HERC3: variants seen among roughly 807,000 people sequenced by gnomAD.
HERC3 encodes probable E3 ubiquitin-protein ligase HERC3.
Under a neutral mutation model 129.9 loss-of-function variants are expected in HERC3, and 58 were observed. The ratio of observed to expected loss-of-function variants is 0.45; its 90% CI spans 0.36 to 0.56. The LOEUF is 0.56. HERC3 is among the 20% of genes least tolerant of loss of function. The pLI is 0.00. For synonymous variants in HERC3, 430 were observed against 451.0 expected (o/e 0.95, Z 0.59); for missense variants, 835 against 1,244.2 (o/e 0.67, Z 4.95).
chr4:88,531,201 A>T, the HERC3 span, among the ~76,000 whole-genome samples: 5 of 151,052 alleles, frequency 3.3e-5, no homozygotes, highest in Non-Finnish European at 5.9e-5. Flanking sequence ...AAAATTTAAA[A>T]TTTTTTTAAA....
chr4:88,680,068 A>G (rs1398533663), intron 19 of HERC3, 25 bp from the exon 20 acceptor site: 2 of 1,589,244 alleles, frequency 1.3e-6, no homozygotes, highest in Non-Finnish European at 1.7e-6. Context: ...TCCCGGAAGC[A>G]TTAATTCTAT....
At chr4:88,681,606 C>T (rs1048536443) in intron 21 of HERC3, among the ~76,000 whole-genome samples, 2 of 152,168 alleles carry the variant, frequency 1.3e-5, no homozygotes, top group African/African-American at 4.8e-5. Context: ...CCTAGAAGAA[C>T]CCATGGATTG....
intron 3 of HERC3, among the ~76,000 whole-genome samples, chr4:88,616,724 T>C (rs1036778722): frequency 1.3e-5 from 2 of 152,210 alleles, no homozygotes; most frequent in African/African-American, 4.8e-5. Context: ...GTCGCTATGC[T>C]TGCAGTTTCA....
upstream of HERC3, among the ~76,000 whole-genome samples, chr4:88,590,257 G>C (rs1329500780): frequency 6.7e-6 from 1 of 149,760 alleles, no homozygotes; most frequent in Non-Finnish European, 1.5e-5. Flanking sequence ...AACTGAGCGA[G>C]ACTCCTTCTC....
intron 1 of HERC3, among the ~76,000 whole-genome samples, chr4:88,595,284 C>A (rs1255600981): frequency 6.6e-6 from 1 of 152,040 alleles, no homozygotes; most frequent in Non-Finnish European, 1.5e-5. Flanking sequence ...TTTTACTACT[C>A]CCTATCAAAT....
At chr4:88,575,769 T>A in the HERC3 span, among the ~76,000 whole-genome samples, 1 of 152,244 alleles carries the variant, frequency 6.6e-6, no homozygotes, top group African/African-American at 2.4e-5. Context: ...TCATTTCAAT[T>A]AACCAAATCC....
chr4:88,531,825 C>T, the HERC3 span, among the ~76,000 whole-genome samples: 2 of 152,284 alleles, frequency 1.3e-5, no homozygotes, highest in East Asian at 3.9e-4. Flanking sequence ...ATGAATGCTG[C>T]ACTCTCTAGA....
chr4:88,702,765 A>G (rs966674215), intron 23 of HERC3, among the ~76,000 whole-genome samples: 5 of 152,230 alleles, frequency 3.3e-5, no homozygotes, highest in African/African-American at 9.6e-5. Context: ...GCACAGTGGC[A>G]TGGTCAAGGG....
At chr4:88,628,852 A>G (rs1726429594) in intron 3 of HERC3, among the ~76,000 whole-genome samples, 1 of 152,142 alleles carries the variant, frequency 6.6e-6, no homozygotes, top group South Asian at 2.1e-4. Flanking sequence ...TGAATAGAGG[A>G]GGGAAGTGGT....
rs187388296 is a variant in HERC3 at position 88,649,809 on chromosome 4, A to G, written c.227-31A>G. 1.9e-6 allele frequency: 3 copies of G among 1,604,702 alleles called. No individual in the cohort carries two copies. In the African/African-American group the frequency reaches 4.0e-5, roughly 21 times the overall value. ...AGCAGTATTCCTGTTTCTGGGTTGTACATTTTCCTCCTCCAATTTGTCTCT... is the reference window on the plus strand; with the variant it reads ...AGCAGTATTCCTGTTTCTGGGTTGTGCATTTTCCTCCTCCAATTTGTCTCT... On this transcript the variant is annotated intron_variant, in intron 3 of 25. Transcript: ENST00000402738.
At chr4:88,691,511 G>T (rs961816359) in intron 23 of HERC3, among the ~76,000 whole-genome samples, 1 of 152,200 alleles carries the variant, frequency 6.6e-6, no homozygotes, top group African/African-American at 2.4e-5. Context: ...CTGACTTCTC[G>T]TTGTATCCTA....
the HERC3 span, among the ~76,000 whole-genome samples, chr4:88,535,451 A>G: frequency 6.6e-6 from 1 of 152,254 alleles, no homozygotes; most frequent in Non-Finnish European, 1.5e-5. Flanking sequence ...AAAATGTTAT[A>G]TAAGGTGACT....
chr4:88,623,700 G>A (rs1318648814), intron 3 of HERC3, among the ~76,000 whole-genome samples: 2 of 152,084 alleles, frequency 1.3e-5, no homozygotes, highest in African/African-American at 4.8e-5. Context: ...AGAACCACAT[G>A]TTATTTATCT....
chr4:88,664,070 A>C (rs1197758704), intron 11 of HERC3, 83 bp from the exon 12 acceptor site: 1 of 1,145,430 alleles, frequency 8.7e-7, no homozygotes, highest in East Asian at 2.6e-5. Flanking sequence ...CCTTGAGTAG[A>C]TGGTTACTTT....
chr4:88,600,932 G>T (rs944695889), intron 2 of HERC3, among the ~76,000 whole-genome samples: 2 of 152,120 alleles, frequency 1.3e-5, no homozygotes, highest in African/African-American at 4.8e-5. Flanking sequence ...CATTAATGTG[G>T]ATAATAGCAA....
intron 3 of HERC3, among the ~76,000 whole-genome samples, chr4:88,635,563 A>C (rs1265484828): frequency 6.6e-6 from 1 of 152,214 alleles, no homozygotes; most frequent in African/African-American, 2.4e-5. Flanking sequence ...AATGGAACCA[A>C]GTTGGAAAAC....
At chr4:88,549,237 G>A in the HERC3 span, among the ~76,000 whole-genome samples, 1 of 151,664 alleles carries the variant, frequency 6.6e-6, no homozygotes, top group Non-Finnish European at 1.5e-5. Context: ...TTTTTGGGGG[G>A]GTGAGTGTTT....
At position 88,646,687 on chromosome 4, in the gene HERC3, G is replaced by T. The variant is rs146175024; in HGVS notation, c.227-3153G>T. On this transcript the variant is annotated intron_variant, in intron 3 of 25. Transcript: ENST00000402738. ...CTGAATGTTCCCAAGTGGGGCAGGG[G>T]TGTATTCAGAGAGGGGAGTGAATGA... 9.5e-3 allele frequency among the ~76,000 whole-genome samples: 1,441 copies of T among 152,278 alleles called. 21 individuals carry two copies. The highest frequency in any genetic ancestry group is 0.032 in the African/African-American group (1,344 of 41,562).
At chr4:88,664,040 A>C in intron 11 of HERC3, 113 bp from the exon 12 acceptor site, 1 of 773,658 alleles carries the variant, frequency 1.3e-6, no homozygotes, top group Non-Finnish European at 2.0e-6. Flanking sequence ...CAGCTGACAA[A>C]GAGCTGCTAT....
Sources: gnomAD v4.1 joint callset for allele counts (sites outside exome capture counted in the v4.1 genomes callset) on GRCh38, gnomAD v4.1.1 for gene constraint, MANE v1.5 for transcripts, NCBI Gene and HGNC (gene_info 2026-07-23, HGNC 2026-07-21) for gene names.